The following NLGN1 variants were observed in gnomAD, a reference collection of about 807,000 sequenced individuals.
NLGN1 encodes neuroligin-1.
A neutral mutation model predicts 65.5 loss-of-function variants in NLGN1; 12 were observed. The observed-to-expected ratio is 0.18, with a 90% CI of 0.12 to 0.30. The LOEUF (loss-of-function observed/expected upper bound fraction) is 0.30, where lower values mean the gene tolerates loss of function less well. Among genes scored for constraint, NLGN1 ranks in the 10% least tolerant of loss-of-function variants. The pLI is 1.00. For synonymous variants in NLGN1, 350 were observed against 359.5 expected (o/e 0.97, Z 0.30); for missense variants, 750 against 1,007.1 (o/e 0.74, Z 3.46).
At chr3:174,044,467 A>C (rs907515092) in intron 4 of NLGN1, among the ~76,000 whole-genome samples, 4 of 152,080 alleles carry the variant, frequency 2.6e-5, no homozygotes, top group Non-Finnish European at 5.9e-5. Context: ...ATCCCTCTCC[A>C]GTTCAAAGTT....
chr3:173,942,523 A>T (rs573690624), intron 4 of NLGN1, among the ~76,000 whole-genome samples: 91 of 152,304 alleles, frequency 6.0e-4, no homozygotes, highest in African/African-American at 2.0e-3. Context: ...GAATAGCGCC[A>T]AAAAGAGTTG....
chr3:174,203,185 T>A (rs1305642855), intron 4 of NLGN1, among the ~76,000 whole-genome samples: 1 of 152,158 alleles, frequency 6.6e-6, no homozygotes, highest in Admixed American at 6.6e-5. Context: ...CAGCAGAAGT[T>A]CACTGATGCT....
intron 4 of NLGN1, among the ~76,000 whole-genome samples, chr3:173,852,072 A>C (rs2150742894): frequency 6.6e-6 from 1 of 152,170 alleles, no homozygotes; most frequent in East Asian, 1.9e-4. Context: ...GACTAAAAGT[A>C]AGTGGTTGGC....
intron 2 of NLGN1, among the ~76,000 whole-genome samples, chr3:173,487,320 T>A (rs1360728430): frequency 2.0e-5 from 3 of 151,974 alleles, no homozygotes; most frequent in East Asian, 1.9e-4. Context: ...AGTTTTTTTT[T>A]ATTATTTCTA....
chr3:173,792,135 A>C (rs1483185153), intron 3 of NLGN1, among the ~76,000 whole-genome samples: 1 of 152,172 alleles, frequency 6.6e-6, no homozygotes, highest in Non-Finnish European at 1.5e-5. Flanking sequence ...ATTGTGCTTC[A>C]TTGAGAATCA....
intron 3 of NLGN1, among the ~76,000 whole-genome samples, chr3:173,655,957 C>T (rs1204012965): frequency 1.3e-5 from 2 of 152,098 alleles, no homozygotes; most frequent in African/African-American, 2.4e-5. Flanking sequence ...GTACACTCCA[C>T]AGAGTGGCAG....
At chr3:173,477,623 T>A (rs1439776603) in intron 2 of NLGN1, among the ~76,000 whole-genome samples, 1 of 152,074 alleles carries the variant, frequency 6.6e-6, no homozygotes, top group Non-Finnish European at 1.5e-5. Context: ...GAAAGGGACC[T>A]CCTGAAGGGA....
chr3:173,556,505 G>A (rs1741723498), intron 2 of NLGN1, among the ~76,000 whole-genome samples: 2 of 152,066 alleles, frequency 1.3e-5, no homozygotes, highest in Admixed American at 6.6e-5. Flanking sequence ...ATATATGGAT[G>A]TGTTTTTATT....
intron 4 of NLGN1, among the ~76,000 whole-genome samples, chr3:174,184,122 A>C (rs144030519): frequency 4.9e-4 from 75 of 152,294 alleles, no homozygotes; most frequent in African/African-American, 1.7e-3. Flanking sequence ...TGCTCAATAA[A>C]GAAATACAAA....
In NLGN1 at chr3:173,630,422, C is replaced by T. The variant is rs906171146; in HGVS notation, c.493+25331C>T. ...CCAAAGGACATTTCAACATAAAGCTCGGTATAAGCTAAGAATTTAAAAAAA... is the reference window on the plus strand; with the variant it reads ...CCAAAGGACATTTCAACATAAAGCTTGGTATAAGCTAAGAATTTAAAAAAA... On this transcript the variant is annotated intron_variant, in intron 3 of 6. Coordinates refer to ENST00000457714, the Ensembl canonical transcript of NLGN1. Among the ~76,000 whole-genome samples the T allele has an allele frequency of 4.0e-5, 6 of 151,426 alleles. No homozygotes were observed. In the South Asian group the frequency reaches 8.4e-4, roughly 21 times the overall value.
At chr3:173,813,654 G>A (rs1183968529) in intron 4 of NLGN1, among the ~76,000 whole-genome samples, 1 of 152,162 alleles carries the variant, frequency 6.6e-6, no homozygotes, top group Non-Finnish European at 1.5e-5. Context: ...TATTTGAATA[G>A]TAATACAGAG....
At chr3:173,886,461 T>C (rs1370167585) in intron 4 of NLGN1, among the ~76,000 whole-genome samples, 1 of 152,036 alleles carries the variant, frequency 6.6e-6, no homozygotes, top group African/African-American at 2.4e-5. Context: ...TTTTCAGCAG[T>C]AGTTTCATCC....
chr3:173,491,292 T>G (rs969430921), intron 2 of NLGN1, among the ~76,000 whole-genome samples: 2 of 151,910 alleles, frequency 1.3e-5, no homozygotes, highest in Non-Finnish European at 2.9e-5. Context: ...TTATTGACAG[T>G]TTTTAGCATG....
At chr3:173,837,367 CTCA>C (rs1265350202) in intron 4 of NLGN1, among the ~76,000 whole-genome samples, 13 of 152,048 alleles carry the variant, frequency 8.5e-5, no homozygotes, top group East Asian at 1.9e-4. Context: ...TTTAAATGCA[CTCA>C]TCATAATTAT....
At chr3:174,163,253 C>T (rs1300717957) in intron 4 of NLGN1, among the ~76,000 whole-genome samples, 2 of 151,914 alleles carry the variant, frequency 1.3e-5, no homozygotes. Context: ...AATTTTTTCT[C>T]CTTTCATGAG....
chr3:173,950,665 T>G (rs977290410), intron 4 of NLGN1, among the ~76,000 whole-genome samples: 1 of 151,612 alleles, frequency 6.6e-6, no homozygotes, highest in African/African-American at 2.4e-5. Flanking sequence ...ATACAAAAAT[T>G]AGCCGGGTGT....
chr3:174,261,594 A>G (rs1424443547), intron 4 of NLGN1, among the ~76,000 whole-genome samples: 2 of 133,046 alleles, frequency 1.5e-5, no homozygotes, highest in African/African-American at 5.8e-5. Context: ...GGCTGAGACA[A>G]TGGGGTTTTC....
intron 3 of NLGN1, among the ~76,000 whole-genome samples, chr3:173,634,309 A>T (rs1464951157): frequency 3.3e-5 from 5 of 152,164 alleles, no homozygotes; most frequent in Non-Finnish European, 7.4e-5. Context: ...TACATCCCCT[A>T]TAAAAGAAAT....
At chr3:174,093,157 T>C (rs1744851209) in intron 4 of NLGN1, among the ~76,000 whole-genome samples, 1 of 152,234 alleles carries the variant, frequency 6.6e-6, no homozygotes, top group South Asian at 2.1e-4. Flanking sequence ...TTCCATTTAT[T>C]TGCATTAGCC....
Sources: allele counts gnomAD v4.1 joint callset (sites outside exome capture counted in the v4.1 genomes callset), GRCh38; gene constraint gnomAD v4.1.1; transcripts MANE v1.5; gene names NCBI Gene and HGNC (gene_info 2026-07-23, HGNC 2026-07-21).